Variants in FGD5 observed in about 807,000 individuals in gnomAD.
The protein encoded by FGD5 is FYVE, RhoGEF and PH domain-containing protein 5.
A neutral mutation model predicts 133.4 loss-of-function variants in FGD5; 28 were observed. The ratio of observed to expected loss-of-function variants is 0.21; its 90% confidence interval spans 0.16 to 0.29. The LOEUF (loss-of-function observed/expected upper bound fraction) is 0.29. Ranked by LOEUF, FGD5 falls within the 10% of genes least tolerant of loss-of-function variation. The pLI, the probability that FGD5 is intolerant of heterozygous loss-of-function variation, is 1.00. For synonymous variants in FGD5, 810 were observed against 776.5 expected, an observed-to-expected ratio of 1.04 and a Z score of -0.72; for missense variants, 1,858 against 1,895.2, an observed-to-expected ratio of 0.98 and a Z score of 0.36.
chr3:14,838,584 A>G (rs182428429), intron 1 of FGD5, among the ~76,000 whole-genome samples: 125 of 152,294 alleles, frequency 8.2e-4, no homozygotes, highest in African/African-American at 3.0e-3. Context: ...CTGTGACAGC[A>G]TCAGCTCAAC....
intron 1 of FGD5, among the ~76,000 whole-genome samples, chr3:14,839,271 C>G (rs904794193): frequency 1.3e-5 from 2 of 152,148 alleles, no homozygotes; most frequent in African/African-American, 4.8e-5. Flanking sequence ...CGTGGAGATG[C>G]TGCTGGGTGC....
At chr3:14,928,463 A>G (rs761427968) in intron 18 of FGD5, among the ~76,000 whole-genome samples, 1 of 152,162 alleles carries the variant, frequency 6.6e-6, no homozygotes, top group Non-Finnish European at 1.5e-5. Flanking sequence ...ACAGTGAACT[A>G]GCCGGGCATG....
intron 1 of FGD5, among the ~76,000 whole-genome samples, chr3:14,811,676 C>A (rs769265066): frequency 1.3e-5 from 2 of 152,138 alleles, no homozygotes; most frequent in African/African-American, 4.8e-5. Context: ...CGCAGGGATC[C>A]CTCCAGAGTA....
At position 14,819,797 on chromosome 3, in the gene FGD5, G is replaced by A. The variant is rs2036445612; in HGVS notation, c.726G>A (p.Met242Ile). 1.3e-6 allele frequency: 2 copies of A among 1,577,814 alleles called. No individual in the cohort carries two copies. The highest frequency in any genetic ancestry group is 1.7e-6 in the Non-Finnish European group (2 of 1,161,778). The part of the protein sequence containing the change: ...GSGPDRPTED[M>I]GQDAEDTSEE... ...GTCCTGACAGGCCCACGGAGGACAT[G>A]GGACAGGATGCTGAGGACACCAGTG... The change falls in exon 1 of 20, where the codon ATG becomes ATA. Residue 242 changes from methionine (M) to isoleucine (I), a missense_variant. Met to Ile is a conservative substitution (Grantham distance 10). Transcript: ENST00000285046. The surrounding 1 kb of genome is among the most constrained non-coding windows in gnomAD (Gnocchi z 4.1).
intron 1 of FGD5, among the ~76,000 whole-genome samples, chr3:14,832,290 C>T (rs1013249443): frequency 2.6e-5 from 4 of 152,218 alleles, no homozygotes; most frequent in Non-Finnish European, 2.9e-5. Flanking sequence ...AGAGCTCTCC[C>T]TGCACCAGGT....
intron 4 of FGD5, among the ~76,000 whole-genome samples, chr3:14,888,968 C>G (rs552806680): frequency 6.6e-6 from 1 of 152,330 alleles, no homozygotes; most frequent in East Asian, 1.9e-4. Flanking sequence ...GGGCAGCAAT[C>G]TATGTTTTCC....
At chr3:14,920,488 C>T (rs2038654308) in intron 13 of FGD5, 1 of 150,164 alleles carries the variant, frequency 6.7e-6, no homozygotes, top group Non-Finnish European at 1.5e-5. Context: ...GAGACCCTGT[C>T]TCAAAAAAAA....
chr3:14,867,291 AG>A (rs2037514666), intron 2 of FGD5, among the ~76,000 whole-genome samples: 2 of 152,214 alleles, frequency 1.3e-5, no homozygotes, highest in Admixed American at 6.5e-5. Flanking sequence ...GTAATATCCC[AG>A]AGGTATTCCC....
chr3:14,814,539 C>T (rs1337322071), upstream of FGD5, among the ~76,000 whole-genome samples: 1 of 152,098 alleles, frequency 6.6e-6, no homozygotes, highest in African/African-American at 2.4e-5. Context: ...GATTTGTTTG[C>T]ACCCTCCTCA....
upstream of FGD5, among the ~76,000 whole-genome samples, chr3:14,815,999 G>T (rs774293066): frequency 2.0e-5 from 3 of 152,186 alleles, no homozygotes; most frequent in African/African-American, 7.2e-5. Flanking sequence ...AGCACTCTGC[G>T]CCTGGGGCTG....
At chr3:14,875,152 G>A (rs980583596) in intron 2 of FGD5, among the ~76,000 whole-genome samples, 5 of 152,304 alleles carry the variant, frequency 3.3e-5, no homozygotes, top group African/African-American at 9.6e-5. Flanking sequence ...AGTGCCCCAT[G>A]TATCTGGGTT....
intron 18 of FGD5, among the ~76,000 whole-genome samples, chr3:14,928,895 C>G (rs957792500): frequency 1.3e-5 from 2 of 152,152 alleles, no homozygotes; most frequent in African/African-American, 4.8e-5. Context: ...ATACTTAACC[C>G]TATGAATTCA....
chr3:14,932,052 G>A (rs935422964), intron 18 of FGD5: 14 of 152,150 alleles, frequency 9.2e-5, no homozygotes, highest in African/African-American at 3.4e-4. Flanking sequence ...GTCACAATAT[G>A]TTGAGACATA....
chr3:14,923,978 T>A (rs1426268479), intron 16 of FGD5, 30 bp from the exon 17 acceptor site: 29 of 1,613,362 alleles, frequency 1.8e-5, no homozygotes, highest in Non-Finnish European at 2.3e-5. Context: ...GCCTCTCACC[T>A]CCCTTCCATG....
In FGD5 at chr3:14,924,579, C is replaced by T. The variant is rs1287420113; in HGVS notation, c.4068+441C>T. Among the ~76,000 whole-genome samples the T allele has an allele frequency of 2.6e-5, 4 of 152,278 alleles. No individual in the cohort carries two copies. In the East Asian group the frequency reaches 5.8e-4, roughly 22 times the overall value. ...CAGAACTGGCTAAACTCAATTGTATCCCACAAATAGGACCAGATTGTATGT... is the reference window on the plus strand; with the variant it reads ...CAGAACTGGCTAAACTCAATTGTATTCCACAAATAGGACCAGATTGTATGT... On this transcript the variant is annotated intron_variant, in intron 17 of 19. Coordinates refer to ENST00000285046, the MANE Select transcript of FGD5 (RefSeq NM_152536.4).
chr3:14,879,036 A>G (rs946704864), intron 2 of FGD5, among the ~76,000 whole-genome samples: 3 of 152,334 alleles, frequency 2.0e-5, no homozygotes, highest in East Asian at 3.9e-4. Context: ...CCACAACACT[A>G]TGCAGTGACT....
chr3:14,879,948 G>A (rs141647572), intron 2 of FGD5, among the ~76,000 whole-genome samples: 70 of 152,272 alleles, frequency 4.6e-4, no homozygotes, highest in African/African-American at 1.3e-3. Flanking sequence ...GTCATGAAGT[G>A]GGATATAAAG....
rs2038716656 is a variant in FGD5 at position 14,922,990 on chromosome 3, C to T, written c.3808-56C>T. 1.2e-6 allele frequency: 2 copies of T among 1,609,310 alleles called. No individual in the cohort carries two copies. Among genetic ancestry groups the T allele is most frequent in the Non-Finnish European group, 1.7e-6 (2 of 1,176,688 alleles). On this transcript the variant is annotated intron_variant, in intron 15 of 19. Transcript: ENST00000285046. This position sits in a 1 kb window ranked among gnomAD's most constrained non-coding sequence, Gnocchi z 4.1. ...GCAGAGGGAGCGGAGGGGAGGGGTG[C>T]AGGTCTCCTTTGCATGCACTGAGAG...
intron 2 of FGD5, among the ~76,000 whole-genome samples, chr3:14,872,069 C>G (rs770559014): frequency 1.3e-5 from 2 of 152,226 alleles, no homozygotes; most frequent in African/African-American, 2.4e-5. Flanking sequence ...AGTCTGAACT[C>G]TGGCCCATGT....
Sources: gnomAD v4.1 joint callset for allele counts (sites outside exome capture counted in the v4.1 genomes callset) on GRCh38, gnomAD v4.1.1 for gene constraint, Gnocchi (gnomAD v3.1) non-coding constraint, MANE v1.5 for transcripts, NCBI Gene and HGNC (gene_info 2026-07-23, HGNC 2026-07-21) for gene names.